The following CACHD1 variants were observed in gnomAD, a reference collection of about 807,000 sequenced individuals.
The protein encoded by CACHD1 is VWFA and cache domain-containing protein 1.
A neutral mutation model predicts 138.7 loss-of-function variants in CACHD1; 71 were observed. The observed-to-expected ratio is 0.51, with a 90% CI of 0.42 to 0.62. The LOEUF is 0.62. Among genes scored for constraint, CACHD1 ranks in the 20% least tolerant of loss-of-function variants. CACHD1 has a pLI of 0.00. For missense variants in CACHD1, 1,389 were observed against 1,625.3 expected, an observed-to-expected ratio of 0.85 and a Z score of 2.50; for synonymous variants, 578 against 591.5, an observed-to-expected ratio of 0.98 and a Z score of 0.33.
At chr1:64,645,516 T>C (rs1648874430) in intron 8 of CACHD1, among the ~76,000 whole-genome samples, 1 of 151,838 alleles carries the variant, frequency 6.6e-6, no homozygotes, top group Non-Finnish European at 1.5e-5. Context: ...AGAATTAGAA[T>C]GCACACAATT....
chr1:64,658,818 G>A lies in CACHD1; in HGVS notation c.1896G>A (p.Leu632=). The change falls in exon 13 of 27, where the codon CTG becomes CTA. Residue 632 remains leucine (L), a synonymous_variant. Coordinates refer to ENST00000651257, the MANE Select transcript of CACHD1 (RefSeq NM_020925.4). ...GCAGCAAGCTGCTGTACCACCGGCT[G>A]GATCTCCTTGGCCAGCCCAGTGCTT... The part of the protein sequence containing the change: ...VPSSKLLYHR[L]DLLGQPSACL... 1 of 1,592,562 alleles carries A rather than the reference G, an allele frequency of 6.3e-7. No individual in the cohort carries two copies. The highest frequency in any genetic ancestry group is 2.3e-5 in the East Asian group (1 of 44,216).
At chr1:64,620,275 C>T (rs1041715531) in intron 4 of CACHD1, among the ~76,000 whole-genome samples, 5 of 151,974 alleles carry the variant, frequency 3.3e-5, no homozygotes, top group Non-Finnish European at 7.4e-5. Flanking sequence ...ATATATCTTC[C>T]CTCCCTACCT....
At chr1:64,566,065 CT>C (rs1646878194) in intron 2 of CACHD1, among the ~76,000 whole-genome samples, 2 of 152,190 alleles carry the variant, frequency 1.3e-5, no homozygotes, top group Non-Finnish European at 2.9e-5. Context: ...GGAGGGCTTC[CT>C]TGACCACTCA....
At chr1:64,680,134 G>T (rs1039247419) in intron 24 of CACHD1, among the ~76,000 whole-genome samples, 1 of 152,158 alleles carries the variant, frequency 6.6e-6, no homozygotes, top group Non-Finnish European at 1.5e-5. Context: ...TAATCTGTTC[G>T]ATTGCAGCTG....
In CACHD1 at chr1:64,681,342, A is replaced by G. The variant is rs1205478037; in HGVS notation, c.3484+7A>G. On this transcript the variant is annotated splice_region_variant and intron_variant, in intron 25 of 26. Transcript: ENST00000651257. The stretch of plus-strand genomic sequence containing the variant: ...CACGAAGACAGAGGCATCAGTGAGT[A>G]TTCAGCTGCCTTGCTGCAGAATGTG... 4 of 1,608,320 alleles carry G rather than the reference A, an allele frequency of 2.5e-6. No individual in the cohort carries two copies. The highest frequency in any genetic ancestry group is 3.4e-6 in the Non-Finnish European group (4 of 1,174,984).
intron 1 of CACHD1, among the ~76,000 whole-genome samples, chr1:64,515,413 G>A (rs1043502028): frequency 6.6e-6 from 1 of 152,186 alleles, no homozygotes; most frequent in Non-Finnish European, 1.5e-5. Flanking sequence ...CAACTCAGAT[G>A]TTTCCAGTAT....
intron 1 of CACHD1, among the ~76,000 whole-genome samples, chr1:64,530,590 G>A (rs749904688): frequency 5.3e-4 from 80 of 152,070 alleles, no homozygotes; most frequent in Non-Finnish European, 1.0e-3. Flanking sequence ...AGGAATGAGC[G>A]CCAGGTGCGG....
chr1:64,684,699 C>T (rs1384643564), intron 26 of CACHD1, among the ~76,000 whole-genome samples: 1 of 152,154 alleles, frequency 6.6e-6, no homozygotes, highest in Non-Finnish European at 1.5e-5. Context: ...ATGTCCTAGG[C>T]CTTCACATTC....
At position 64,679,774 on chromosome 1, in the gene CACHD1, C is replaced by T. The variant is rs753391709; in HGVS notation, c.3406+18C>T. The T allele has an allele frequency of 7.4e-6, 12 of 1,611,578 alleles. No homozygotes were observed. In the South Asian group the frequency reaches 7.7e-5, roughly 10 times the overall value. ...TGCCCAAGGTGAGCTCAAAATGAACCCCACAGGGGAGGCAGCAGCCAGGCT... is the reference window on the plus strand; with the variant it reads ...TGCCCAAGGTGAGCTCAAAATGAACTCCACAGGGGAGGCAGCAGCCAGGCT... On this transcript the variant is annotated intron_variant, in intron 24 of 26. Transcript: ENST00000651257.
At chr1:64,471,424 G>GTCCTCGCC (rs1646143725) in intron 1 of CACHD1, among the ~76,000 whole-genome samples, 2 of 152,144 alleles carry the variant, frequency 1.3e-5, no homozygotes, top group African/African-American at 4.8e-5. Context: ...GCGTCCTCGC[G>GTCCTCGCC]TCCTCCCTAC....
chr1:64,615,994 A>G (rs1460299761), intron 4 of CACHD1, among the ~76,000 whole-genome samples: 2 of 152,178 alleles, frequency 1.3e-5, no homozygotes, highest in East Asian at 1.9e-4. Flanking sequence ...TCAATGAGCA[A>G]TTGTTGGTAT....
chr1:64,476,923 A>G (rs1646177285), intron 1 of CACHD1, among the ~76,000 whole-genome samples: 1 of 152,176 alleles, frequency 6.6e-6, no homozygotes, highest in African/African-American at 2.4e-5. Flanking sequence ...GAACTCTGGA[A>G]TTTTGGTATT....
At chr1:64,689,249 G>A (rs1650464150) in intron 26 of CACHD1, among the ~76,000 whole-genome samples, 1 of 152,202 alleles carries the variant, frequency 6.6e-6, no homozygotes, top group African/African-American at 2.4e-5. Context: ...CTCCACATAT[G>A]TGACCAACAG....
chr1:64,599,225 AATTGATTAGTGTTTT>A (rs1490133549), intron 3 of CACHD1, among the ~76,000 whole-genome samples: 1 of 152,188 alleles, frequency 6.6e-6, no homozygotes, highest in East Asian at 1.9e-4. Context: ...GGACGAAGAC[AATTGATTAGTGTTTT>A]GTTGGTATAA....
At chr1:64,572,738 G>A (rs1046923882) in intron 2 of CACHD1, among the ~76,000 whole-genome samples, 6 of 152,182 alleles carry the variant, frequency 3.9e-5, no homozygotes, top group South Asian at 2.1e-4. Context: ...CCCACCTCTC[G>A]CAGGATCAGG....
rs181369852 is a variant in CACHD1 at position 64,622,885 on chromosome 1, A to G, written c.518-6470A>G. Reference sequence around the variant, plus strand: ...ATAATTGACATCCAATAAACTTCACATGTTTAACATGTGCAGTTAGTAGAT... The same window carrying G: ...ATAATTGACATCCAATAAACTTCACGTGTTTAACATGTGCAGTTAGTAGAT... On this transcript the variant is annotated intron_variant, in intron 4 of 26. Coordinates refer to ENST00000651257, the MANE Select transcript of CACHD1 (RefSeq NM_020925.4). Among the ~76,000 whole-genome samples the G allele has an allele frequency of 1.6e-3, 243 of 152,324 alleles. 2 individuals carry two copies. Among genetic ancestry groups the G allele is most frequent in the African/African-American group, 5.7e-3 (235 of 41,588 alleles).
intron 1 of CACHD1, among the ~76,000 whole-genome samples, chr1:64,508,351 AT>A (rs770086213): frequency 1.1e-4 from 16 of 152,174 alleles, no homozygotes; most frequent in Non-Finnish European, 2.2e-4. Flanking sequence ...CTGGAGAGGT[AT>A]TCTTGTATTA....
At chr1:64,535,248 C>T (rs1219559125) in intron 1 of CACHD1, among the ~76,000 whole-genome samples, 2 of 151,766 alleles carry the variant, frequency 1.3e-5, no homozygotes, top group Non-Finnish European at 2.9e-5. Context: ...CCTCTCCCTC[C>T]GTCTTTCTCC....
intron 25 of CACHD1, 72 bp downstream of exon 25, chr1:64,681,407 A>G (rs1232232281): frequency 8.0e-7 from 1 of 1,244,668 alleles, no homozygotes; most frequent in African/African-American, 1.5e-5. Flanking sequence ...TCTTTCTTAT[A>G]TCCTTTTGGC....
Sources: gnomAD v4.1 joint callset for allele counts (sites outside exome capture counted in the v4.1 genomes callset) on GRCh38, gnomAD v4.1.1 for gene constraint, MANE v1.5 for transcripts, NCBI Gene and HGNC (gene_info 2026-07-23, HGNC 2026-07-21) for gene names.